The following MALRD1 variants were observed in gnomAD, a reference collection of about 807,000 sequenced individuals.
The protein encoded by MALRD1 is MAM and LDL receptor class A domain containing 1, also known as MAM and LDL-receptor class A domain-containing protein 1.
In MALRD1, 247 loss-of-function variants were observed where a neutral mutation model predicts 242.1. The observed-to-expected ratio is 1.02, with a 90% CI of 0.92 to 1.13. The LOEUF (loss-of-function observed/expected upper bound fraction) is 1.13, where lower values mean the gene tolerates loss of function less well. Among genes scored for constraint, MALRD1 ranks in the 50% most tolerant of loss-of-function variants. The pLI is 0.00. For synonymous variants in MALRD1, 995 were observed against 866.6 expected, an observed-to-expected ratio of 1.15 and a Z score of -2.60; for missense variants, 2,989 against 2,533.1, an observed-to-expected ratio of 1.18 and a Z score of -3.86.
chr10:19,390,578 A>T (rs1310145856), intron 28 of MALRD1, among the ~76,000 whole-genome samples: 1 of 152,158 alleles, frequency 6.6e-6, no homozygotes, highest in African/African-American at 2.4e-5. Flanking sequence ...GGAGATGTAT[A>T]TGTGCACGTG....
intron 38 of MALRD1, among the ~76,000 whole-genome samples, chr10:19,719,154 T>TTATATATATATATATACATATATATA (rs1564567040): frequency 3.4e-5 from 2 of 58,194 alleles, no homozygotes; most frequent in African/African-American, 1.5e-4. Flanking sequence ...ACTGTCCAAA[T>TTATATATATATATATACATATATATA]TATATATATA....
chr10:19,289,677 CTA>C (rs1442060897), intron 21 of MALRD1, among the ~76,000 whole-genome samples: 2 of 152,130 alleles, frequency 1.3e-5, no homozygotes, highest in Non-Finnish European at 2.9e-5. Flanking sequence ...ATATCCTACT[CTA>C]TAGCTCATAG....
At chr10:19,581,327 T>C (rs1446532606) in intron 33 of MALRD1, among the ~76,000 whole-genome samples, 106 of 140,150 alleles carry the variant, frequency 7.6e-4, no homozygotes, top group Non-Finnish European at 5.8e-4. Context: ...CACTAACTCG[T>C]CATCTAGCAT....
At chr10:19,539,984 C>A (rs1834892558) in intron 32 of MALRD1, among the ~76,000 whole-genome samples, 1 of 151,886 alleles carries the variant, frequency 6.6e-6, no homozygotes, top group East Asian at 1.9e-4. Context: ...CTCAAGTGAT[C>A]TGCCCACCTC....
intron 2 of MALRD1, among the ~76,000 whole-genome samples, chr10:19,087,623 G>T (rs925994770): frequency 1.3e-5 from 2 of 151,316 alleles, no homozygotes; most frequent in African/African-American, 4.9e-5. Flanking sequence ...TTTGATACAG[G>T]TATCCAATGC....
At chr10:19,200,946 G>A (rs1300859981) in intron 14 of MALRD1, among the ~76,000 whole-genome samples, 1 of 151,990 alleles carries the variant, frequency 6.6e-6, no homozygotes, top group Non-Finnish European at 1.5e-5. Context: ...TGGGCATCCT[G>A]TTATGCCTGT....
chr10:19,346,407 TA>T (rs1158643293), intron 24 of MALRD1, among the ~76,000 whole-genome samples: 2 of 152,192 alleles, frequency 1.3e-5, no homozygotes, highest in Non-Finnish European at 1.5e-5. Context: ...TCATTTGCCT[TA>T]AAAATTTTGA....
chr10:19,301,671 A>G (rs541281525), intron 21 of MALRD1, among the ~76,000 whole-genome samples: 27 of 151,900 alleles, frequency 1.8e-4, no homozygotes, highest in African/African-American at 5.8e-4. Flanking sequence ...TTGAGTACAC[A>G]TGGACACAAA....
At chr10:19,082,395 T>G (rs1249083148) in intron 2 of MALRD1, among the ~76,000 whole-genome samples, 1 of 150,956 alleles carries the variant, frequency 6.6e-6, no homozygotes, top group Admixed American at 6.6e-5. Context: ...TTTTTATCAG[T>G]TATATAATTG....
At chr10:19,399,044 G>A (rs995333173) in intron 28 of MALRD1, among the ~76,000 whole-genome samples, 2 of 152,142 alleles carry the variant, frequency 1.3e-5, no homozygotes, top group African/African-American at 4.8e-5. Flanking sequence ...AATGTCATAA[G>A]TAGTCATAGA....
intron 26 of MALRD1, among the ~76,000 whole-genome samples, chr10:19,385,006 A>G (rs1331170126): frequency 6.6e-6 from 1 of 151,854 alleles, no homozygotes; most frequent in Non-Finnish European, 1.5e-5. Flanking sequence ...CTTTTTCTGC[A>G]TCTATTGAAA....
intron 36 of MALRD1, among the ~76,000 whole-genome samples, chr10:19,623,633 C>A (rs11010733): frequency 0.056 from 8,519 of 152,144 alleles, 701 homozygotes; most frequent in African/African-American, 0.18. Context: ...TGGTGTACAT[C>A]CAAACTCCCA....
intron 20 of MALRD1, among the ~76,000 whole-genome samples, chr10:19,282,529 T>C (rs983410843): frequency 2.0e-5 from 3 of 152,106 alleles, no homozygotes; most frequent in African/African-American, 7.3e-5. Context: ...GCTGGACCTG[T>C]AATTTCCTGT....
At position 19,209,549 on chromosome 10, in the gene MALRD1, A is replaced by T; in HGVS notation, c.2860A>T (p.Ile954Phe). 3.9e-6 allele frequency: 6 copies of T among 1,550,822 alleles called. No homozygotes were observed. The highest frequency in any genetic ancestry group is 1.2e-5 in the South Asian group (1 of 84,064). ...CTATTACCACATGTTTGGAAAGCGC[A>T]TTTATAGGTTGGCAATCTACCAACG... is the stretch of plus-strand genomic sequence containing the variant. Reference protein sequence around the residue: ...RFYYHMFGKRIYRLAIYQRIW... With the variant: ...RFYYHMFGKRFYRLAIYQRIW... Residue 954 changes from isoleucine (I) to phenylalanine (F), a missense_variant, in exon 18 of 40, where the codon ATT (isoleucine) becomes TTT (phenylalanine). Physicochemically the swap from Ile to Phe is conservative, Grantham distance 21 (BLOSUM62 0). Coordinates refer to ENST00000454679, the MANE Select transcript of MALRD1 (RefSeq NM_001142308.3).
At chr10:19,667,414 A>C (rs1301852103) in intron 36 of MALRD1, among the ~76,000 whole-genome samples, 4 of 152,090 alleles carry the variant, frequency 2.6e-5, no homozygotes, top group East Asian at 3.9e-4. Flanking sequence ...CACATGATAT[A>C]CTTTGGATCT....
chr10:19,321,074 T>A (rs116898181), intron 21 of MALRD1, among the ~76,000 whole-genome samples: 8,937 of 152,192 alleles, frequency 0.059, 548 homozygotes, highest in African/African-American at 0.15. Context: ...TTAGTTTAAT[T>A]AGATCCCATT....
At chr10:19,403,867 T>C (rs375225831) in intron 28 of MALRD1, among the ~76,000 whole-genome samples, 1 of 152,208 alleles carries the variant, frequency 6.6e-6, no homozygotes, top group East Asian at 1.9e-4. Context: ...AGGCAGAACA[T>C]TGAAATTAAT....
intron 31 of MALRD1, among the ~76,000 whole-genome samples, chr10:19,501,287 T>C (rs910756559): frequency 5.3e-5 from 8 of 152,164 alleles, no homozygotes; most frequent in African/African-American, 1.9e-4. Flanking sequence ...TGTAAGATGT[T>C]TAGCAGCACT....
intron 21 of MALRD1, among the ~76,000 whole-genome samples, chr10:19,312,400 A>ATATATATATATATATATATATATATATG (rs1491220851): frequency 4.2e-5 from 6 of 143,588 alleles, no homozygotes; most frequent in African/African-American, 1.6e-4. Flanking sequence ...ATATATATAT[A>ATATATATATATATATATATATATATATG]TGTGTATATG....
Sources: allele counts gnomAD v4.1 joint callset (sites outside exome capture counted in the v4.1 genomes callset), GRCh38; gene constraint gnomAD v4.1.1; transcripts MANE v1.5; gene names NCBI Gene and HGNC (gene_info 2026-07-23, HGNC 2026-07-21).